The following STAT5A variants were observed in gnomAD, a reference collection of about 807,000 sequenced individuals.
STAT5A encodes the protein epididymis secretory sperm binding protein.
Under a neutral mutation model 100.2 loss-of-function variants are expected in STAT5A, and 26 were observed. That is an observed-to-expected ratio of 0.26 (90% CI 0.19 to 0.36). The LOEUF (loss-of-function observed/expected upper bound fraction) is 0.36. Ranked by LOEUF, STAT5A falls within the 10% of genes least tolerant of loss-of-function variation. STAT5A has a pLI of 1.00. For missense variants in STAT5A, 634 were observed against 1,027.5 expected (o/e 0.62, Z 5.24); for synonymous variants, 330 against 424.3 (o/e 0.78, Z 2.73).
chr17:42,295,799 G>A lies in STAT5A; in HGVS notation c.550+6G>A. 6.2e-7 allele frequency: 1 copy of A among 1,613,716 alleles called. No individual in the cohort carries two copies. Among genetic ancestry groups the A allele is most frequent in the Non-Finnish European group, 8.5e-7 (1 of 1,179,860 alleles). ...GGAGAGCCTGAGGATCCAAGGTGAG[G>A]CGCGGTGGAGGCAGTGTGCATCCGG... On this transcript the variant is annotated splice_donor_region_variant and intron_variant, in intron 5 of 18. Transcript: ENST00000590949.
At chr17:42,306,491 T>G in intron 13 of STAT5A, 44 bp downstream of exon 13, 1 of 1,574,884 alleles carries the variant, frequency 6.3e-7, no homozygotes, top group Non-Finnish European at 8.6e-7. Flanking sequence ...CCCACCGGGG[T>G]CTGTTGCTCC....
chr17:42,296,225 G>A (rs945079418), intron 5 of STAT5A, among the ~76,000 whole-genome samples: 1 of 152,148 alleles, frequency 6.6e-6, no homozygotes, highest in Non-Finnish European at 1.5e-5. Flanking sequence ...TAACCAGAGG[G>A]AGGACTTGGA....
At chr17:42,309,214 C>T in intron 17 of STAT5A, 116 bp downstream of exon 17, 2 of 1,588,336 alleles carry the variant, frequency 1.3e-6, no homozygotes, top group Non-Finnish European at 1.7e-6. Flanking sequence ...CTGTCTCAGC[C>T]CTGGGGAGGG....
chr17:42,305,082 C>A (rs751095620), intron 11 of STAT5A, among the ~76,000 whole-genome samples: 7 of 152,150 alleles, frequency 4.6e-5, no homozygotes, highest in Non-Finnish European at 1.0e-4. Context: ...CACCTGTAGT[C>A]CCAGCTATTC....
intron 5 of STAT5A, among the ~76,000 whole-genome samples, chr17:42,298,946 C>T (rs116504152): frequency 0.015 from 2,345 of 152,028 alleles, 57 homozygotes; most frequent in African/African-American, 0.047. Flanking sequence ...GCCCTGGACA[C>T]GCTCTCCCTC....
Position 42,308,029 on chromosome 17 carries a change from C to G in STAT5A, c.1907-149C>G, listed in dbSNP as rs1050192059. 66 of 1,126,326 alleles carry G rather than the reference C, an allele frequency of 5.9e-5. No individual in the cohort carries two copies. Among genetic ancestry groups the G allele is most frequent in the African/African-American group, 5.2e-4 (33 of 63,638 alleles). The allele number at this position is 1,126,326 out of a possible 1,614,324, so 69.8% of individuals were successfully genotyped here. ...ATCTGGTTTGCTGAGTAGAACATCCCGCATCGGCTTTCTTCCCTACAGGCT... is the reference window on the plus strand; with the variant it reads ...ATCTGGTTTGCTGAGTAGAACATCCGGCATCGGCTTTCTTCCCTACAGGCT... On this transcript the variant is annotated intron_variant, in intron 15 of 18. Transcript: ENST00000590949. The surrounding 1 kb of genome is among the most constrained non-coding windows in gnomAD (Gnocchi z 4.6).
At chr17:42,301,575 C>A in intron 9 of STAT5A, 121 bp downstream of exon 9, 3 of 1,430,440 alleles carry the variant, frequency 2.1e-6, no homozygotes, top group South Asian at 1.3e-5. Flanking sequence ...AGGCTGGTCT[C>A]GAACTCCTGG....
At position 42,295,631 on chromosome 17, in the gene STAT5A, G is replaced by C; in HGVS notation, c.388G>C (p.Ala130Pro). The C allele has an allele frequency of 1.9e-6, 3 of 1,613,434 alleles. No individual in the cohort carries two copies. The highest frequency in any genetic ancestry group is 2.5e-6 in the Non-Finnish European group (3 of 1,179,722). The change falls in exon 5 of 19, where the codon GCT becomes CCT. Residue 130 changes from alanine (A) to proline (P), a missense_variant. By Grantham distance (27) the Ala-to-Pro change is conservative. Around this residue, in one of 5 missense-constraint regions of STAT5A, gnomAD observed 207 missense variants for 256.6 expected, o/e 0.81. Transcript: ENST00000590949. ...CATCTGTCTCCAGTGCAGCTCTCCG[G>C]CTGGGATCCTGGTTGACGCCATGTC... Reference protein sequence around the residue: ...VREANNCSSPAGILVDAMSQK... With the variant: ...VREANNCSSPPGILVDAMSQK...
intron 12 of STAT5A, 115 bp from the exon 13 acceptor site, chr17:42,306,126 C>G: frequency 1.3e-6 from 2 of 1,547,190 alleles, no homozygotes; most frequent in Non-Finnish European, 1.8e-6. Context: ...ATTTGTGTCA[C>G]CTTTCTGGAT....
intron 13 of STAT5A, among the ~76,000 whole-genome samples, chr17:42,306,781 G>A (rs554619600): frequency 1.6e-4 from 24 of 151,964 alleles, no homozygotes; most frequent in African/African-American, 4.6e-4. Flanking sequence ...GTGCAGTGGC[G>A]TGATTTCAGC....
At chr17:42,292,569 C>T (rs2080880213) in intron 4 of STAT5A, among the ~76,000 whole-genome samples, 1 of 151,806 alleles carries the variant, frequency 6.6e-6, no homozygotes, top group Admixed American at 6.6e-5. Flanking sequence ...TCGTGATCCG[C>T]CCACCTCGGC....
At chr17:42,302,346 T>C (rs976527858) in intron 9 of STAT5A, among the ~76,000 whole-genome samples, 1 of 151,928 alleles carries the variant, frequency 6.6e-6, no homozygotes, top group African/African-American at 2.4e-5. Context: ...GGGGGATGTG[T>C]AGGGCACCGA....
chr17:42,289,809 G>A (rs2080852534), intron 2 of STAT5A, 57 bp from the exon 3 acceptor site: 1 of 1,455,864 alleles, frequency 6.9e-7, no homozygotes, highest in Non-Finnish European at 9.1e-7. Context: ...CCAGCTCCCT[G>A]ACCTCCTTGC....
chr17:42,309,789 C>T (rs1420269486), intron 18 of STAT5A: 3 of 291,118 alleles, frequency 1.0e-5, no homozygotes, highest in East Asian at 7.0e-5. Context: ...TAAACTGAGA[C>T]AGTGTGGGTG....
intron 8 of STAT5A, 22 bp downstream of exon 8, chr17:42,300,892 T>C (rs764627909): frequency 3.1e-6 from 5 of 1,610,870 alleles, no homozygotes; most frequent in African/African-American, 1.3e-5. Context: ...CTGTTTGCCA[T>C]GCCCAGGAGC....
upstream of STAT5A, chr17:42,288,227 C>G (rs922568249): frequency 6.6e-6 from 1 of 152,212 alleles, no homozygotes; most frequent in Non-Finnish European, 1.5e-5. The surrounding 1 kb of genome is among the most constrained non-coding windows in gnomAD (Gnocchi z 4.8). Context: ...TGACCCGCCC[C>G]GGTTCCGGGA....
intron 11 of STAT5A, 91 bp from the exon 12 acceptor site, chr17:42,305,519 A>T (rs1281787386): frequency 4.9e-6 from 5 of 1,015,132 alleles, no homozygotes; most frequent in Non-Finnish European, 7.3e-6. Context: ...AAAAATACAT[A>T]AAAAAAAATA....
At position 42,307,738 on chromosome 17, in the gene STAT5A, T is replaced by C. The variant is rs1288267470; in HGVS notation, c.1906+15T>C. 1 of 1,612,640 alleles carries C rather than the reference T, an allele frequency of 6.2e-7. No homozygotes were observed. The highest frequency in any genetic ancestry group is 8.5e-7 in the Non-Finnish European group (1 of 1,179,066). On this transcript the variant is annotated intron_variant, in intron 15 of 18. Coordinates refer to ENST00000590949, the MANE Select transcript of STAT5A (RefSeq NM_001288718.2). ...GTTTGACTCCCGTGAGTGCCCGTTT[T>C]GCCCACACTCCAGCCCCAAGGCCCG...
chr17:42,308,155 G>A lies in STAT5A; in HGVS notation c.1907-23G>A, dbSNP rs1309833398. ...TCCTCCTGCTGCTGGTGGATTATGG[G>A]AATGAGGCTGTTCTTTTCACAGCGG... On this transcript the variant is annotated intron_variant, in intron 15 of 18. Coordinates refer to ENST00000590949, the MANE Select transcript of STAT5A (RefSeq NM_001288718.2). This position sits in a 1 kb window ranked among gnomAD's most constrained non-coding sequence, Gnocchi z 4.6. 1 of 1,611,508 alleles carries A rather than the reference G, an allele frequency of 6.2e-7. No homozygotes were observed.
Sources: allele counts gnomAD v4.1 joint callset (sites outside exome capture counted in the v4.1 genomes callset), GRCh38; gene constraint gnomAD v4.1.1; regional missense constraint gnomAD v4.1.1; non-coding constraint Gnocchi (gnomAD v3.1); transcripts MANE v1.5; gene names NCBI Gene and HGNC (gene_info 2026-07-23, HGNC 2026-07-21).